TRAPPC8: variants seen among roughly 807,000 people sequenced by gnomAD.
The protein encoded by TRAPPC8 is trafficking protein particle complex subunit 8, also known as general sporulation gene 1 homolog.
A neutral mutation model predicts 174.3 loss-of-function variants in TRAPPC8; 54 were observed. The observed-to-expected ratio is 0.31, with a 90% CI of 0.25 to 0.39. TRAPPC8 has a LOEUF of 0.39. Among genes scored for constraint, TRAPPC8 ranks in the 10% least tolerant of loss-of-function variants. The pLI, the probability that TRAPPC8 is intolerant of heterozygous loss-of-function variation, is 1.00. For synonymous variants in TRAPPC8, 630 were observed against 579.9 expected, an observed-to-expected ratio of 1.09 and a Z score of -1.24; for missense variants, 1,531 against 1,699.1, an observed-to-expected ratio of 0.90 and a Z score of 1.74.
intron 2 of TRAPPC8, among the ~76,000 whole-genome samples, chr18:31,919,026 C>G (rs1020672055): frequency 6.6e-6 from 1 of 152,124 alleles, no homozygotes; most frequent in Non-Finnish European, 1.5e-5. Context: ...TATTAAACAA[C>G]TGGAAGGGCT....
chr18:31,865,137 T>C (rs2034525224), intron 18 of TRAPPC8, among the ~76,000 whole-genome samples: 1 of 152,088 alleles, frequency 6.6e-6, no homozygotes, highest in South Asian at 2.1e-4. Flanking sequence ...GAGAACGGTA[T>C]CTATTCACAA....
intron 1 of TRAPPC8, among the ~76,000 whole-genome samples, chr18:31,941,054 A>G (rs1188092167): frequency 6.6e-6 from 1 of 152,240 alleles, no homozygotes; most frequent in Non-Finnish European, 1.5e-5. Context: ...AGTTACACAA[A>G]GCAAGTATCA....
intron 1 of TRAPPC8, among the ~76,000 whole-genome samples, chr18:31,933,253 A>G (rs1293775494): frequency 6.8e-6 from 1 of 148,046 alleles, no homozygotes; most frequent in Admixed American, 6.9e-5. Context: ...GTGAGCTGAG[A>G]TCGTGCCACT....
chr18:31,901,116 T>G (rs941369276), intron 9 of TRAPPC8, 91 bp from the exon 10 acceptor site: 23 of 920,512 alleles, frequency 2.5e-5, no homozygotes, highest in Admixed American at 2.5e-4. Flanking sequence ...AAATTTGCTG[T>G]TTTTTTTTTA....
chr18:31,836,908 C>A (rs2032767556), intron 27 of TRAPPC8, among the ~76,000 whole-genome samples: 1 of 151,784 alleles, frequency 6.6e-6, no homozygotes, highest in Middle Eastern at 3.2e-3. Flanking sequence ...ACTACAGGTG[C>A]CCGCCACCAC....
At chr18:31,914,163 GAA>G (rs112939220) in intron 4 of TRAPPC8, among the ~76,000 whole-genome samples, 1 of 107,528 alleles carries the variant, frequency 9.3e-6, no homozygotes, top group African/African-American at 3.4e-5. Flanking sequence ...GGAAAAACAA[GAA>G]AAAAAAAAAA....
At chr18:31,921,777 T>G (rs1269262400) in intron 2 of TRAPPC8, among the ~76,000 whole-genome samples, 1 of 152,204 alleles carries the variant, frequency 6.6e-6, no homozygotes, top group East Asian at 1.9e-4. Flanking sequence ...TTTATTACGC[T>G]TCGATTTTCT....
At chr18:31,911,635 A>G (rs2036907839) in intron 5 of TRAPPC8, among the ~76,000 whole-genome samples, 1 of 151,134 alleles carries the variant, frequency 6.6e-6, no homozygotes, top group Admixed American at 6.6e-5. Flanking sequence ...GCTACTCGGG[A>G]AGCTGAGGCA....
At chr18:31,886,401 CA>C (rs2035720557) in intron 12 of TRAPPC8, among the ~76,000 whole-genome samples, 1 of 144,320 alleles carries the variant, frequency 6.9e-6, no homozygotes, top group South Asian at 2.2e-4. Context: ...TAAAGGAACA[CA>C]GTATTAAAAA....
chr18:31,901,538 G>A (rs1038826691), intron 9 of TRAPPC8, among the ~76,000 whole-genome samples: 1 of 152,108 alleles, frequency 6.6e-6, no homozygotes, highest in Non-Finnish European at 1.5e-5. Flanking sequence ...AGAACATGGG[G>A]AATACAGAGA....
chr18:31,918,783 C>T (rs1568135521), intron 2 of TRAPPC8, among the ~76,000 whole-genome samples: 2 of 152,166 alleles, frequency 1.3e-5, no homozygotes, highest in Non-Finnish European at 2.9e-5. Flanking sequence ...AAAGTCAACT[C>T]TCTCTTGTTC....
intron 12 of TRAPPC8, among the ~76,000 whole-genome samples, chr18:31,881,436 C>T (rs2035447198): frequency 6.6e-6 from 1 of 152,048 alleles, no homozygotes; most frequent in East Asian, 1.9e-4. Context: ...ACTGGGCTAA[C>T]CATATACAGA....
chr18:31,926,400 TAGAAA>T (rs1392386571), intron 2 of TRAPPC8: 1 of 151,900 alleles, frequency 6.6e-6, no homozygotes, highest in Non-Finnish European at 1.5e-5. Flanking sequence ...ATCTCTCGAG[TAGAAA>T]ATACAGTTGA....
chr18:31,914,816 T>G (rs1415880602), intron 4 of TRAPPC8, among the ~76,000 whole-genome samples: 1 of 152,206 alleles, frequency 6.6e-6, no homozygotes, highest in Non-Finnish European at 1.5e-5. Context: ...TTTTCAAGAA[T>G]TTATTTTTAA....
intron 14 of TRAPPC8, among the ~76,000 whole-genome samples, chr18:31,872,408 A>G (rs1254799714): frequency 6.6e-6 from 1 of 152,190 alleles, no homozygotes; most frequent in African/African-American, 2.4e-5. Context: ...TTTAAAAAAC[A>G]AATTTTATCT....
chr18:31,880,841 T>C (rs1041547935), intron 12 of TRAPPC8, among the ~76,000 whole-genome samples: 2 of 152,136 alleles, frequency 1.3e-5, no homozygotes, highest in African/African-American at 4.8e-5. Context: ...AAATCAGTTG[T>C]GTTTCTATAC....
intron 3 of TRAPPC8, among the ~76,000 whole-genome samples, chr18:31,916,846 C>CCA (rs35316134): frequency 2.4e-5 from 3 of 126,910 alleles, no homozygotes; most frequent in African/African-American, 6.0e-5. Flanking sequence ...ATTTTCACAG[C>CCA]AAAAAAAAAA....
chr18:31,839,148 A>G (rs1038982536), intron 27 of TRAPPC8, among the ~76,000 whole-genome samples, 164 bp downstream of exon 27: 7 of 152,156 alleles, frequency 4.6e-5, no homozygotes, highest in African/African-American at 1.7e-4. Context: ...TCTTTAACTG[A>G]TATTGTCTAA....
At chr18:31,855,959 T>G (rs760999553) in intron 20 of TRAPPC8, 152 bp from the exon 21 acceptor site, 8 of 863,570 alleles carry the variant, frequency 9.3e-6, no homozygotes, top group Non-Finnish European at 1.2e-5. Flanking sequence ...AATTACATAG[T>G]TAGCCTAACT....
Sources: gnomAD v4.1 joint callset for allele counts (sites outside exome capture counted in the v4.1 genomes callset) on GRCh38, gnomAD v4.1.1 for gene constraint, MANE v1.5 for transcripts, NCBI Gene and HGNC (gene_info 2026-07-23, HGNC 2026-07-21) for gene names.